The following ZNG1A variants were observed in gnomAD, a reference collection of about 807,000 sequenced individuals.
ZNG1A encodes Zn regulated GTPase metalloprotein activator 1A.
the ZNG1A span, among the ~76,000 whole-genome samples, chr9:130,013 C>A: frequency 6.6e-6 from 1 of 150,430 alleles, no homozygotes; most frequent in African/African-American, 2.5e-5. Context: ...TGTTACTGTA[C>A]TGAACAGTGT....
chr9:168,947 G>C, the ZNG1A span, among the ~76,000 whole-genome samples: 9 of 152,110 alleles, frequency 5.9e-5, no homozygotes, highest in African/African-American at 2.2e-4. Context: ...AGATGTACAA[G>C]ATTAATGTTG....
the ZNG1A span, among the ~76,000 whole-genome samples, chr9:129,886 T>G: frequency 6.7e-6 from 1 of 150,270 alleles, no homozygotes; most frequent in African/African-American, 2.5e-5. Context: ...TGGGCAATTT[T>G]GTTGTTATAC....
At chr9:146,258 A>C in the ZNG1A span, 67 of 1,464,774 alleles carry the variant, frequency 4.6e-5, 1 homozygote, top group South Asian at 7.8e-4. Flanking sequence ...TATACATAAA[A>C]TTCATAGAAG....
chr9:127,903 TTC>T, the ZNG1A span, among the ~76,000 whole-genome samples: 1 of 152,248 alleles, frequency 6.6e-6, no homozygotes, highest in African/African-American at 2.4e-5. Flanking sequence ...TAGTGGTGAA[TTC>T]TCTGTTTGTC....
chr9:174,159 A>T, the ZNG1A span, among the ~76,000 whole-genome samples: 1 of 151,656 alleles, frequency 6.6e-6, no homozygotes, highest in Admixed American at 6.6e-5. Context: ...AAAAAAAAAA[A>T]AACCTAAACT....
At chr9:150,655 C>T in the ZNG1A span, 1 of 982,530 alleles carries the variant, frequency 1.0e-6, no homozygotes. Context: ...GAATAATTCA[C>T]AGAAGATTTT....
chr9:173,715 T>C, the ZNG1A span, among the ~76,000 whole-genome samples: 4,025 of 152,186 alleles, frequency 0.026, 159 homozygotes, highest in African/African-American at 0.093. Context: ...CAGTATGTTT[T>C]ATATACTGGA....
At chr9:140,662 T>C in the ZNG1A span, among the ~76,000 whole-genome samples, 592 of 150,682 alleles carry the variant, frequency 3.9e-3, no homozygotes, top group African/African-American at 0.014. Flanking sequence ...ACGCAGCTCC[T>C]CACCAGCAAC....
chr9:143,364 T>C, the ZNG1A span, among the ~76,000 whole-genome samples: 1 of 145,088 alleles, frequency 6.9e-6, no homozygotes, highest in Admixed American at 6.9e-5. Flanking sequence ...GTGGGCTTCA[T>C]CCCTGGGATG....
the ZNG1A span, among the ~76,000 whole-genome samples, chr9:169,698 G>A: frequency 1.3e-5 from 2 of 149,784 alleles, no homozygotes; most frequent in Non-Finnish European, 3.0e-5. Context: ...CATCAACATC[G>A]TGGCAAGACC....
the ZNG1A span, chr9:151,340 C>T: frequency 1.0e-6 from 1 of 981,016 alleles, no homozygotes; most frequent in East Asian, 1.1e-4. Context: ...GAAAGAATTT[C>T]TCCAGTAGAG....
the ZNG1A span, among the ~76,000 whole-genome samples, chr9:145,730 G>GAAAAAAT: frequency 6.6e-6 from 1 of 150,976 alleles, no homozygotes; most frequent in Non-Finnish European, 1.5e-5. Context: ...AAAAACTCAA[G>GAAAAAAT]AAAAAATAAA....
chr9:172,499 T>C, the ZNG1A span: 1 of 231,116 alleles, frequency 4.3e-6, no homozygotes, highest in East Asian at 1.0e-4. Context: ...TGATAAAATG[T>C]ATTAACTATA....
chr9:175,098 G>A, the ZNG1A span, among the ~76,000 whole-genome samples: 3 of 151,962 alleles, frequency 2.0e-5, no homozygotes, highest in Non-Finnish European at 2.9e-5. Flanking sequence ...ACATTTTTTC[G>A]CCAGGCATGG....
the ZNG1A span, chr9:163,891 A>G: frequency 8.0e-7 from 1 of 1,250,986 alleles, no homozygotes; most frequent in Non-Finnish European, 1.1e-6. Context: ...CACTCCATGC[A>G]CTCCAGTCTG....
chr9:139,586 C>G, the ZNG1A span, among the ~76,000 whole-genome samples: 1 of 152,078 alleles, frequency 6.6e-6, no homozygotes, highest in African/African-American at 2.4e-5. Flanking sequence ...TCTTCCCTCC[C>G]TTACCAAAAA....
chr9:177,598 G>A, the ZNG1A span: 6 of 1,524,852 alleles, frequency 3.9e-6, no homozygotes, highest in Middle Eastern at 2.3e-4. Flanking sequence ...AAAGAACAGC[G>A]TTTCAAAAAG....
At chr9:121,558 T>G in the ZNG1A span, 1 of 1,607,828 alleles carries the variant, frequency 6.2e-7, no homozygotes, top group Non-Finnish European at 8.5e-7. Flanking sequence ...AAGGATATCC[T>G]TATCTAAATT....
At chr9:169,209 C>G in the ZNG1A span, among the ~76,000 whole-genome samples, 1 of 151,808 alleles carries the variant, frequency 6.6e-6, no homozygotes, top group South Asian at 2.1e-4. Flanking sequence ...AAAGATGATT[C>G]CAGCCCTCAC....
Sources: gnomAD v4.1 joint callset for allele counts (sites outside exome capture counted in the v4.1 genomes callset) on GRCh38, gnomAD v4.1.1 for gene constraint, MANE v1.5 for transcripts, NCBI Gene and HGNC (gene_info 2026-07-23, HGNC 2026-07-21) for gene names.